Variants in QSER1 observed in about 807,000 individuals in gnomAD.
QSER1 encodes glutamine and serine-rich protein 1.
Under a neutral mutation model 158.5 loss-of-function variants are expected in QSER1, and 49 were observed. The ratio of observed to expected loss-of-function variants is 0.31; its 90% CI spans 0.25 to 0.39. The LOEUF (loss-of-function observed/expected upper bound fraction) is 0.39, where lower values mean the gene tolerates loss of function less well. Among genes scored for constraint, QSER1 ranks in the 10% least tolerant of loss-of-function variants. The probability of loss-of-function intolerance (pLI) is 1.00; values close to 1 mark genes in which losing one functional copy is unlikely to be tolerated. For synonymous variants in QSER1, 650 were observed against 715.5 expected (o/e 0.91, Z 1.46); for missense variants, 1,754 against 2,010.3 (o/e 0.87, Z 2.44).
chr11:32,973,594 T>C, intron 11 of QSER1, 45 bp downstream of exon 11: 1 of 1,500,296 alleles, frequency 6.7e-7, no homozygotes, highest in Non-Finnish European at 9.1e-7. Flanking sequence ...TTTCCAATTG[T>C]TAATACAATT....
rs1453901943 is a variant in QSER1, at chr11:32,943,547, C to T, written c.4177+8112C>T. Among the ~76,000 whole-genome samples the T allele has an allele frequency of 2.7e-5, 4 of 149,910 alleles. No individual in the cohort carries two copies. In the South Asian group the frequency reaches 6.4e-4, roughly 24 times the overall value. ...ATGCTGGATTACATTTATTGATTTG[C>T]GTATATTGAACCAGCCTTGCATCCC... On this transcript the variant is annotated intron_variant, in intron 4 of 12. Transcript: ENST00000650167.
chr11:32,973,599 A>G, intron 11 of QSER1, 50 bp downstream of exon 11: 1 of 1,483,338 alleles, frequency 6.7e-7, no homozygotes, highest in Non-Finnish European at 9.2e-7. Context: ...AATTGTTAAT[A>G]CAATTCCTAC....
At chr11:32,950,342 C>A (rs1303832002) in intron 4 of QSER1, among the ~76,000 whole-genome samples, 1 of 152,122 alleles carries the variant, frequency 6.6e-6, no homozygotes, top group Admixed American at 6.5e-5. Flanking sequence ...GATCTGCCCA[C>A]CCAGGCCTCC....
In QSER1 at chr11:32,933,192, T is replaced by G. The variant is rs767407578; in HGVS notation, c.1934T>G (p.Leu645Trp). 6.2e-7 allele frequency: 1 copy of G among 1,613,956 alleles called. No homozygotes were observed. The highest frequency in any genetic ancestry group is 8.5e-7 in the Non-Finnish European group (1 of 1,179,962). Residue 645 changes from leucine (L) to tryptophan (W), a missense_variant, in exon 4 of 13, where the codon TTG becomes TGG. This residue lies in a region of QSER1 where 1,707 missense variants were observed against 1,919.6 expected (regional missense o/e 0.89). Transcript: ENST00000650167. ...ESSSPQSQKF[L>W]PAVQSSSFAS... is the part of the protein sequence containing the mutation. The stretch of plus-strand genomic sequence containing the variant: ...TCATCTCCCCAGTCCCAGAAGTTTT[T>G]GCCTGCTGTCCAGTCATCATCTTTT...
chr11:32,901,857 G>C (rs1384307449), intron 1 of QSER1, among the ~76,000 whole-genome samples: 1 of 152,214 alleles, frequency 6.6e-6, no homozygotes, highest in East Asian at 1.9e-4. Context: ...GCTGAGATGG[G>C]CTGATGGCTT....
chr11:32,943,221 T>C (rs1302643962), intron 4 of QSER1, among the ~76,000 whole-genome samples: 1 of 152,026 alleles, frequency 6.6e-6, no homozygotes, highest in Non-Finnish European at 1.5e-5. Context: ...TCAATACCCT[T>C]TATTTCCTTC....
At chr11:32,925,529 TATTTATTTA>T (rs1851958132) in intron 1 of QSER1, among the ~76,000 whole-genome samples, 1 of 148,568 alleles carries the variant, frequency 6.7e-6, no homozygotes, top group Non-Finnish European at 1.5e-5. Flanking sequence ...TTTATTTATT[TATTTATTTA>T]TTTTTTGCAG....
intron 2 of QSER1, 28 bp from the exon 3 acceptor site, chr11:32,927,934 T>G (rs1851995446): frequency 3.4e-6 from 2 of 583,334 alleles, no homozygotes; most frequent in Non-Finnish European, 2.9e-6. Context: ...TTTTTTTACT[T>G]TGGGATATAT....
intron 1 of QSER1, among the ~76,000 whole-genome samples, chr11:32,918,592 T>C (rs1851864145): frequency 6.7e-6 from 1 of 149,664 alleles, no homozygotes; most frequent in South Asian, 2.1e-4. Context: ...TTGTAAGAAG[T>C]TGTGGCTCTT....
intron 10 of QSER1, among the ~76,000 whole-genome samples, chr11:32,973,108 G>A (rs572063845): frequency 1.2e-4 from 18 of 152,320 alleles, no homozygotes; most frequent in East Asian, 5.8e-4. Flanking sequence ...TAAATAAGCA[G>A]GTCATAGAGT....
chr11:32,899,565 G>A (rs932520366), intron 1 of QSER1, among the ~76,000 whole-genome samples: 3 of 152,086 alleles, frequency 2.0e-5, no homozygotes, highest in Admixed American at 6.6e-5. Flanking sequence ...GAAAGCTTGA[G>A]AAATCAAGTG....
chr11:32,947,828 T>C (rs1227856838), intron 4 of QSER1, among the ~76,000 whole-genome samples: 1 of 152,238 alleles, frequency 6.6e-6, no homozygotes, highest in African/African-American at 2.4e-5. Flanking sequence ...TTACTACAGT[T>C]AAATTTCCTT....
At chr11:32,925,956 G>A (rs1366014151) in intron 1 of QSER1, 4 of 152,228 alleles carry the variant, frequency 2.6e-5, no homozygotes, top group African/African-American at 4.8e-5. Context: ...GGTCAGGTGT[G>A]GTGGCTCATG....
chr11:32,949,033 A>G (rs756911981), intron 4 of QSER1, among the ~76,000 whole-genome samples: 2 of 152,026 alleles, frequency 1.3e-5, no homozygotes, highest in African/African-American at 2.4e-5. Context: ...GCTCCATTTA[A>G]TCCCCTCCTG....
Position 32,932,286 on chromosome 11 carries a change from G to C in QSER1, c.1028G>C (p.Ser343Thr), listed in dbSNP as rs180932312. Residue 343 changes from serine to threonine, a missense_variant, in exon 4 of 13, where the codon AGT becomes ACT. By Grantham distance (58) the Ser-to-Thr change is moderately conservative. Transcript: ENST00000650167. ...QLTGSQHSLH[S>T]YLSNSSVVNF... ...ACTGGTTCACAGCACTCCTTACATAGTTATCTATCAAATTCAAGTGTAGTT... is the reference window on the plus strand; with the variant it reads ...ACTGGTTCACAGCACTCCTTACATACTTATCTATCAAATTCAAGTGTAGTT... The C allele has an allele frequency of 2.0e-4, 324 of 1,613,894 alleles. 1 individual carries two copies. In the African/African-American group the frequency reaches 4.0e-3, roughly 20 times the overall value.
intron 1 of QSER1, among the ~76,000 whole-genome samples, chr11:32,903,721 C>T (rs1018945765): frequency 3.3e-5 from 5 of 152,012 alleles, no homozygotes; most frequent in African/African-American, 1.2e-4. Flanking sequence ...AAGCAATTCT[C>T]CTGGCTCAGC....
chr11:32,908,748 T>G (rs1473626933), intron 1 of QSER1, among the ~76,000 whole-genome samples: 1 of 152,246 alleles, frequency 6.6e-6, no homozygotes, highest in Admixed American at 6.5e-5. Context: ...ACACTTTGTA[T>G]GAACATGTTT....
At chr11:32,970,324 G>A (rs182894318) in intron 10 of QSER1, among the ~76,000 whole-genome samples, 2 of 151,964 alleles carry the variant, frequency 1.3e-5, no homozygotes, top group African/African-American at 2.4e-5. Flanking sequence ...CCATGTATTC[G>A]CAGGAAGAAA....
rs770583013 is a variant in QSER1 at position 32,933,866 on chromosome 11, C to T, written c.2608C>T (p.Leu870=). ...TTTACAAATTCTTCAGCAGTCAATA[C>T]TGCAGGCAGGTTTAGGTCAAGTAAA... is the stretch of plus-strand genomic sequence containing the variant. ...CDLQILQQSI[L]QAGLGQVKAS... is the part of the protein sequence containing the mutation. Residue 870 remains leucine, a synonymous_variant, in exon 4 of 13, where the codon CTG becomes TTG. Transcript: ENST00000650167. 2 of 1,613,476 alleles carry T rather than the reference C, an allele frequency of 1.2e-6. No individual in the cohort carries two copies. The highest frequency in any genetic ancestry group is 1.1e-5 in the South Asian group (1 of 90,902).
Sources: gnomAD v4.1 joint callset for allele counts (sites outside exome capture counted in the v4.1 genomes callset) on GRCh38, gnomAD v4.1.1 for gene constraint, gnomAD v4.1.1 regional missense constraint, MANE v1.5 for transcripts, NCBI Gene and HGNC (gene_info 2026-07-23, HGNC 2026-07-21) for gene names.